The following NEBL variants were observed in gnomAD, a reference collection of about 807,000 sequenced individuals.
NEBL encodes the protein nebulette.
A neutral mutation model predicts 140.2 loss-of-function variants in NEBL; 122 were observed. That is an observed-to-expected ratio of 0.87 (90% CI 0.75 to 1.01). The LOEUF (loss-of-function observed/expected upper bound fraction) is 1.01. Among genes scored for constraint, NEBL ranks in the 50% least tolerant of loss-of-function variants. The probability of loss-of-function intolerance (pLI) is 0.00; values close to 1 mark genes in which losing one functional copy is unlikely to be tolerated. For missense variants in NEBL, 1,365 were observed against 1,231.3 expected (o/e 1.11, Z -1.62); for synonymous variants, 436 against 398.9 (o/e 1.09, Z -1.11).
At chr10:20,843,808 A>T (rs951641914) in intron 12 of NEBL, among the ~76,000 whole-genome samples, 1 of 152,106 alleles carries the variant, frequency 6.6e-6, no homozygotes, top group South Asian at 2.1e-4. Context: ...CACCTCAAAC[A>T]TGTATCATTT....
At chr10:20,862,869 T>A (rs1220060997) in intron 7 of NEBL, among the ~76,000 whole-genome samples, 1 of 151,734 alleles carries the variant, frequency 6.6e-6, no homozygotes. Context: ...CACCTTTTTT[T>A]ATTAATTTTT....
chr10:20,955,243 A>G (rs1252854138), intron 4 of NEBL, among the ~76,000 whole-genome samples: 2 of 152,222 alleles, frequency 1.3e-5, no homozygotes, highest in Non-Finnish European at 2.9e-5. Flanking sequence ...ATCTTCACCT[A>G]TGGGAAGTTA....
At chr10:20,844,084 C>A (rs1841663574) in intron 12 of NEBL, among the ~76,000 whole-genome samples, 1 of 152,118 alleles carries the variant, frequency 6.6e-6, no homozygotes, top group African/African-American at 2.4e-5. Flanking sequence ...AAAGATAGTG[C>A]AGCAAGAGAA....
intron 2 of NEBL, among the ~76,000 whole-genome samples, chr10:21,132,823 G>A (rs1211177926): frequency 1.3e-5 from 2 of 152,098 alleles, no homozygotes; most frequent in Non-Finnish European, 2.9e-5. Flanking sequence ...TTTTAATTGG[G>A]TTACTTGTCT....
At chr10:20,872,199 G>T (rs890294596) in intron 5 of NEBL, among the ~76,000 whole-genome samples, 1 of 152,234 alleles carries the variant, frequency 6.6e-6, no homozygotes, top group African/African-American at 2.4e-5. Flanking sequence ...GGCAGCAGGA[G>T]CAGGACTTTG....
At chr10:20,835,701 A>T in intron 13 of NEBL, 78 bp from the exon 14 acceptor site, 1 of 981,330 alleles carries the variant, frequency 1.0e-6, no homozygotes, top group Non-Finnish European at 1.6e-6. Flanking sequence ...ACTAAAAAAA[A>T]AATAGTTAGA....
upstream of NEBL, chr10:21,174,285 C>T (rs1841233229): frequency 6.5e-6 from 1 of 153,912 alleles, no homozygotes; most frequent in Admixed American, 6.5e-5. Context: ...GGGCAGAGAC[C>T]CGGAAAGCTC....
At chr10:20,833,100 G>A (rs1840571558) in intron 14 of NEBL, among the ~76,000 whole-genome samples, 2 of 152,170 alleles carry the variant, frequency 1.3e-5, no homozygotes, top group African/African-American at 4.8e-5. Context: ...AAAGCACATA[G>A]ACTACATTAG....
intron 3 of NEBL, among the ~76,000 whole-genome samples, chr10:21,227,601 AT>A: frequency 6.6e-6 from 1 of 152,180 alleles, no homozygotes; most frequent in East Asian, 1.9e-4. Context: ...TTCAAGGTGC[AT>A]TTTACTTTGC....
At chr10:21,227,837 CTTCTTTCTTCTT>C (rs1384926511) in intron 3 of NEBL, among the ~76,000 whole-genome samples, 1 of 147,816 alleles carries the variant, frequency 6.8e-6, no homozygotes, top group Non-Finnish European at 1.5e-5. Flanking sequence ...CTTTCTTCTT[CTTCTTTCTTCTT>C]CTTTCTTCTT....
At chr10:20,889,059 G>A (rs948985950) in intron 3 of NEBL, among the ~76,000 whole-genome samples, 3 of 152,112 alleles carry the variant, frequency 2.0e-5, no homozygotes, top group African/African-American at 4.8e-5. Context: ...AAATTGTTTC[G>A]CATTAGCAGA....
chr10:20,856,980 C>A (rs1488244202), intron 9 of NEBL, among the ~76,000 whole-genome samples: 1 of 152,048 alleles, frequency 6.6e-6, no homozygotes, highest in East Asian at 1.9e-4. Flanking sequence ...AGATGCCCAC[C>A]ACCACGCCTA....
chr10:20,805,895 G>C (rs1035866868), intron 26 of NEBL, among the ~76,000 whole-genome samples: 1 of 151,020 alleles, frequency 6.6e-6, no homozygotes, highest in Non-Finnish European at 1.5e-5. Context: ...GGCATTATTT[G>C]AGTCACTGAG....
In NEBL at chr10:20,813,954, T is replaced by G. The variant is rs1838430956; in HGVS notation, c.2331A>C (p.Gln777His). The G allele has an allele frequency of 6.3e-7, 1 of 1,595,974 alleles. No individual in the cohort carries two copies. The highest frequency in any genetic ancestry group is 1.3e-5 in the African/African-American group (1 of 74,496). The change falls in exon 23 of 28, where the codon CAA becomes CAC. Residue 777 changes from glutamine to histidine, a missense_variant. By Grantham distance (24) the Gln-to-His change is conservative. This residue lies in a region of NEBL where 1,323 missense variants were observed against 1,154.8 expected (regional missense o/e 1.15). Coordinates refer to ENST00000377122, the MANE Select transcript of NEBL (RefSeq NM_006393.3). Reference protein sequence around the residue: ...TPAMRHVKEAQNHISMVKYHE... With the variant: ...TPAMRHVKEAHNHISMVKYHE... ...TGGACCCTACCATTGAAATATGATT[T>G]TGTGCTTCTTTAACATGTCTCATAG... is the stretch of plus-strand genomic sequence containing the variant.
At chr10:21,185,333 G>A (rs1452246805) in intron 3 of NEBL, among the ~76,000 whole-genome samples, 1 of 152,064 alleles carries the variant, frequency 6.6e-6, no homozygotes, top group East Asian at 1.9e-4. Context: ...AAGGTGGATG[G>A]GAAATAATCC....
intron 11 of NEBL, among the ~76,000 whole-genome samples, chr10:20,846,596 A>T (rs1322952324): frequency 1.3e-5 from 2 of 152,168 alleles, no homozygotes; most frequent in Non-Finnish European, 2.9e-5. Context: ...AATGACCAAA[A>T]ACAACGACTA....
intron 21 of NEBL, 148 bp downstream of exon 21, chr10:20,817,452 G>C: frequency 1.3e-6 from 1 of 752,940 alleles, no homozygotes; most frequent in Non-Finnish European, 2.3e-6. Flanking sequence ...CAATACCAAA[G>C]TCCCCGAAAT....
intron 4 of NEBL, among the ~76,000 whole-genome samples, chr10:20,885,729 C>T (rs763457469): frequency 2.6e-5 from 4 of 152,108 alleles, no homozygotes; most frequent in South Asian, 2.1e-4. Flanking sequence ...CCTTTTCTTT[C>T]GTTATTGCTT....
intron 2 of NEBL, among the ~76,000 whole-genome samples, chr10:21,071,226 A>G (rs1020906512): frequency 6.7e-6 from 1 of 149,194 alleles, no homozygotes; most frequent in Non-Finnish European, 1.5e-5. Flanking sequence ...TTTAAATAAT[A>G]TTATTATTAT....
Sources: gnomAD v4.1 joint callset for allele counts (sites outside exome capture counted in the v4.1 genomes callset) on GRCh38, gnomAD v4.1.1 for gene constraint, gnomAD v4.1.1 regional missense constraint, MANE v1.5 for transcripts, NCBI Gene and HGNC (gene_info 2026-07-23, HGNC 2026-07-21) for gene names.